The following ACVR2B variants were observed in gnomAD, a reference collection of about 807,000 sequenced individuals.
ACVR2B encodes activin A receptor type 2B, also known as activin receptor type-2B.
In ACVR2B, 18 loss-of-function variants were observed where a neutral mutation model predicts 65.1. The observed-to-expected ratio is 0.28, with a 90% CI of 0.19 to 0.41. The LOEUF (loss-of-function observed/expected upper bound fraction) is 0.41, where lower values mean the gene tolerates loss of function less well. Ranked by LOEUF, ACVR2B falls within the 10% of genes least tolerant of loss-of-function variation. The probability of loss-of-function intolerance (pLI) is 1.00; values close to 1 mark genes in which losing one functional copy is unlikely to be tolerated. For missense variants in ACVR2B, 482 were observed against 682.7 expected, an observed-to-expected ratio of 0.71 and a Z score of 3.28; for synonymous variants, 298 against 277.7, an observed-to-expected ratio of 1.07 and a Z score of -0.73.
chr3:38,459,545 G>A (rs909049386), intron 1 of ACVR2B: 8 of 978,470 alleles, frequency 8.2e-6, no homozygotes, highest in African/African-American at 3.5e-5. Context: ...TCTGCCAAGC[G>A]GAGCACTGGG....
Position 38,481,261 on chromosome 3 carries a change from A to G in ACVR2B, c.960-90A>G. 8.8e-7 allele frequency: 1 copy of G among 1,136,660 alleles called. No individual in the cohort carries two copies. 70.4% of individuals were successfully genotyped at this position (1,136,660 alleles called of 1,614,324 possible). On this transcript the variant is annotated intron_variant, in intron 7 of 10. Transcript: ENST00000352511. This position sits in a 1 kb window ranked among gnomAD's most constrained non-coding sequence, Gnocchi z 4.7. ...GTGGGATGGCCTGGTCTGGGGCCTG[A>G]CTCTAGGGCACAGACTCTAGTATCT... is the stretch of plus-strand genomic sequence containing the variant.
At position 38,492,729 on chromosome 3, in the gene ACVR2B, ATTAC is replaced by A. The variant is rs2059820190; in HGVS notation, c.*9398_*9401del. On this transcript the variant is annotated 3_prime_UTR_variant, in exon 11 of 11. Coordinates refer to ENST00000352511, the MANE Select transcript of ACVR2B (RefSeq NM_001106.4). ...AAAGTGTGCTGATTTATATATATATATTACACACACACACACACACACACACACA... is the reference window on the plus strand; with the variant it reads ...AAAGTGTGCTGATTTATATATATATAACACACACACACACACACACACACA... 8.3e-6 allele frequency: 1 copy of A among 120,262 alleles called. No individual in the cohort carries two copies. Among genetic ancestry groups the A allele is most frequent in the Admixed American group, 8.9e-5 (1 of 11,226 alleles). The allele number at this position is 120,262 out of a possible 1,614,324, so 7.4% of individuals were successfully genotyped here.
rs1164613936 is a variant in ACVR2B, at chr3:38,492,684, G to T, written c.*9352G>T. 4.7e-5 allele frequency: 7 copies of T among 148,080 alleles called. No individual in the cohort carries two copies. The highest frequency in any genetic ancestry group is 3.0e-5 in the Non-Finnish European group (2 of 67,454). The allele number at this position is 148,080 out of a possible 1,614,324, so 9.2% of individuals were successfully genotyped here. On this transcript the variant is annotated 3_prime_UTR_variant, in exon 11 of 11. Transcript: ENST00000352511. Reference sequence around the variant, plus strand: ...TATATACAGAGTTAAGCTTGTTGCTGTTACCCTGTCTGGATTTGAAAAGTG... The same window carrying T: ...TATATACAGAGTTAAGCTTGTTGCTTTTACCCTGTCTGGATTTGAAAAGTG...
Position 38,483,108 on chromosome 3 carries a change from T to C in ACVR2B, c.1345-30T>C. On this transcript the variant is annotated intron_variant, in intron 10 of 10. Transcript: ENST00000352511. The surrounding 1 kb of genome is among the most constrained non-coding windows in gnomAD (Gnocchi z 4.8). Reference sequence around the variant, plus strand: ...CCTCACTGAAGGGTCCTAACAAAGGTGTCTTTCCTGTCTGCCCTATGCTGC... The same window carrying C: ...CCTCACTGAAGGGTCCTAACAAAGGCGTCTTTCCTGTCTGCCCTATGCTGC... 1 of 1,613,364 alleles carries C rather than the reference T, an allele frequency of 6.2e-7. No individual in the cohort carries two copies. Among genetic ancestry groups the C allele is most frequent in the South Asian group, 1.1e-5 (1 of 91,062 alleles).
At chr3:38,466,597 G>A (rs1337281496) in intron 1 of ACVR2B, among the ~76,000 whole-genome samples, 8 of 150,540 alleles carry the variant, frequency 5.3e-5, no homozygotes, top group Admixed American at 2.0e-4. Flanking sequence ...TCCGCCTCCC[G>A]GGTTCAAGTG....
Position 38,483,411 on chromosome 3 carries a change from C to T in ACVR2B, c.*79C>T. ...AAAAGTTGTGTTTTGTTTTGGAAAT[C>T]CCATAAAACCAACAAACACATAAAA... On this transcript the variant is annotated 3_prime_UTR_variant, in exon 11 of 11. Transcript: ENST00000352511. This position sits in a 1 kb window ranked among gnomAD's most constrained non-coding sequence, Gnocchi z 4.8. The T allele has an allele frequency of 2.8e-6, 4 of 1,440,612 alleles. No homozygotes were observed. The highest frequency in any genetic ancestry group is 9.7e-7 in the Non-Finnish European group (1 of 1,029,298). The allele number at this position is 1,440,612 out of a possible 1,614,324, so 89.2% of individuals were successfully genotyped here. A position where few individuals can be genotyped will look rare whatever the true frequency, so the allele number is the denominator to read the frequency against.
intron 1 of ACVR2B, among the ~76,000 whole-genome samples, chr3:38,463,991 T>G (rs1359044358): frequency 6.6e-6 from 1 of 152,256 alleles, no homozygotes; most frequent in African/African-American, 2.4e-5. Context: ...CCTGTTGGAC[T>G]GGAGGCCCAC....
chr3:38,478,111 G>A, intron 3 of ACVR2B, 30 bp from the exon 4 acceptor site: 1 of 1,611,230 alleles, frequency 6.2e-7, no homozygotes, highest in Non-Finnish European at 8.5e-7. Flanking sequence ...TGGGCAGACT[G>A]TTTGACACAG....
rs538050005 is a variant in ACVR2B, at chr3:38,469,113, A to C, written c.53-8174A>C. Among the ~76,000 whole-genome samples, 10 of 152,302 alleles carry C rather than the reference A, an allele frequency of 6.6e-5. No individual in the cohort carries two copies. The South Asian group carries it at 2.1e-3, about 32-fold the overall frequency. The stretch of plus-strand genomic sequence containing the variant: ...CTGTCACCTTGGAAGGTGCTCCTGT[A>C]TTTACATTTCTGGCATTTGTAGTGA... On this transcript the variant is annotated intron_variant, in intron 1 of 10. Transcript: ENST00000352511.
intron 1 of ACVR2B, among the ~76,000 whole-genome samples, chr3:38,455,188 TC>T (rs1238285586): frequency 6.6e-6 from 1 of 151,818 alleles, no homozygotes; most frequent in East Asian, 2.0e-4. Flanking sequence ...CAAGCGGAGT[TC>T]CGCCTGGAAA....
chr3:38,493,058 T>TTA lies in ACVR2B; in HGVS notation c.*9727_*9728dup. 1 of 152,702 alleles carries TTA rather than the reference T, an allele frequency of 6.5e-6. No homozygotes were observed. Among genetic ancestry groups the TTA allele is most frequent in the Admixed American group, 6.5e-5 (1 of 15,290 alleles). The allele number at this position is 152,702 out of a possible 1,614,324, so 9.5% of individuals were successfully genotyped here. On this transcript the variant is annotated 3_prime_UTR_variant, in exon 11 of 11. Coordinates refer to ENST00000352511, the MANE Select transcript of ACVR2B (RefSeq NM_001106.4). ...TTTTTCCCCCTGTGTGAAGAAGCAG[T>TTA]TACACCCCAACAATAGGAGGAAAAA...
Position 38,477,005 on chromosome 3 carries a change from T to C in ACVR2B, c.53-282T>C. 1 of 547,600 alleles carries C rather than the reference T, an allele frequency of 1.8e-6. No individual in the cohort carries two copies. The highest frequency in any genetic ancestry group is 3.1e-5 in the East Asian group (1 of 32,364). 33.9% of individuals were successfully genotyped at this position (547,600 alleles called of 1,614,324 possible). ...CTGTCTGGCTGTTTATCCATCCTTC[T>C]GTGGCATTAGGTTTCCTGCCTCCTC... On this transcript the variant is annotated intron_variant, in intron 1 of 10. Transcript: ENST00000352511. The surrounding 1 kb of genome is among the most constrained non-coding windows in gnomAD (Gnocchi z 6.7).
intron 1 of ACVR2B, among the ~76,000 whole-genome samples, chr3:38,466,735 C>G (rs997091590): frequency 6.6e-6 from 1 of 152,086 alleles, no homozygotes; most frequent in Non-Finnish European, 1.5e-5. Flanking sequence ...GAACTCCTGA[C>G]CTCGTGATCC....
intron 1 of ACVR2B, among the ~76,000 whole-genome samples, chr3:38,463,747 G>C (rs1709686052): frequency 6.6e-6 from 1 of 152,170 alleles, no homozygotes; most frequent in Non-Finnish European, 1.5e-5. Context: ...GATGTGCGCT[G>C]TTTGTGTCTT....
In ACVR2B at chr3:38,492,692, G is replaced by T. The variant is rs1450606080; in HGVS notation, c.*9360G>T. On this transcript the variant is annotated 3_prime_UTR_variant, in exon 11 of 11. Coordinates refer to ENST00000352511, the MANE Select transcript of ACVR2B (RefSeq NM_001106.4). ...GAGTTAAGCTTGTTGCTGTTACCCTGTCTGGATTTGAAAAGTGTGCTGATT... is the reference window on the plus strand; with the variant it reads ...GAGTTAAGCTTGTTGCTGTTACCCTTTCTGGATTTGAAAAGTGTGCTGATT... 1 of 146,312 alleles carries T rather than the reference G, an allele frequency of 6.8e-6. No individual in the cohort carries two copies. The allele number at this position is 146,312 out of a possible 1,614,324, so 9.1% of individuals were successfully genotyped here. A position where few individuals can be genotyped will look rare whatever the true frequency, so the allele number is the denominator to read the frequency against.
intron 1 of ACVR2B, 69 bp downstream of exon 1, chr3:38,454,443 T>C: frequency 8.4e-7 from 1 of 1,197,474 alleles, no homozygotes; most frequent in Non-Finnish European, 1.0e-6. Flanking sequence ...CCGCGCGGTG[T>C]TTACCAACAA....
chr3:38,483,324 A>G lies in ACVR2B; in HGVS notation c.1531A>G (p.Ser511Gly), dbSNP rs1247268125. The change falls in exon 11 of 11, where the codon AGC becomes GGC. Residue 511 changes from serine to glycine, a missense_variant. By Grantham distance (56) the Ser-to-Gly change is moderately conservative (BLOSUM62 0). Around this residue, in one of 5 missense-constraint regions of ACVR2B, gnomAD observed 38 missense variants for 29.3 expected, o/e 1.30. Coordinates refer to ENST00000352511, the MANE Select transcript of ACVR2B (RefSeq NM_001106.4). This position sits in a 1 kb window ranked among gnomAD's most constrained non-coding sequence, Gnocchi z 4.8. ...TGTGGACCTGCCCCCTAAAGAGTCA[A>G]GCATCTAAGCCCAGGACATGAGTGT... ...TNVDLPPKESSI is the reference protein window; with the variant it reads ...TNVDLPPKESGI 6.2e-7 allele frequency: 1 copy of G among 1,614,132 alleles called. No individual in the cohort carries two copies. Among genetic ancestry groups the G allele is most frequent in the Non-Finnish European group, 8.5e-7 (1 of 1,180,012 alleles).
intron 1 of ACVR2B, among the ~76,000 whole-genome samples, chr3:38,467,056 A>G (rs1472171456): frequency 6.6e-6 from 1 of 152,262 alleles, no homozygotes. Flanking sequence ...TACAATGTCC[A>G]GGAAGAGAGT....
chr3:38,455,329 C>T (rs539782784), intron 1 of ACVR2B, among the ~76,000 whole-genome samples: 61 of 152,282 alleles, frequency 4.0e-4, no homozygotes, highest in Non-Finnish European at 4.1e-4. Flanking sequence ...GGCATTGAAG[C>T]TCTGGCGAGA....
Sources: gnomAD v4.1 joint callset for allele counts (sites outside exome capture counted in the v4.1 genomes callset) on GRCh38, gnomAD v4.1.1 for gene constraint, gnomAD v4.1.1 regional missense constraint, Gnocchi (gnomAD v3.1) non-coding constraint, MANE v1.5 for transcripts, NCBI Gene and HGNC (gene_info 2026-07-23, HGNC 2026-07-21) for gene names.